BRINP3: variants seen among roughly 807,000 people sequenced by gnomAD.
BRINP3 encodes BMP/retinoic acid-inducible neural-specific protein 3.
A neutral mutation model predicts 71.0 loss-of-function variants in BRINP3; 19 were observed. The observed-to-expected ratio is 0.27, with a 90% confidence interval of 0.19 to 0.39. BRINP3 has a LOEUF of 0.39. Ranked by LOEUF, BRINP3 falls within the 10% of genes least tolerant of loss-of-function variation. The pLI, the probability that BRINP3 is intolerant of heterozygous loss-of-function variation, is 1.00. For missense variants in BRINP3, 959 were observed against 940.8 expected (o/e 1.02, Z -0.25); for synonymous variants, 380 against 337.7 (o/e 1.13, Z -1.37).
At chr1:190,442,221 G>GA (rs1268491315) in intron 2 of BRINP3, among the ~76,000 whole-genome samples, 1 of 152,130 alleles carries the variant, frequency 6.6e-6, no homozygotes, top group Non-Finnish European at 1.5e-5. Context: ...CATTTCGTGA[G>GA]AAAATACTTT....
intron 4 of BRINP3, among the ~76,000 whole-genome samples, chr1:190,249,489 A>AT: frequency 6.6e-6 from 1 of 152,032 alleles, no homozygotes; most frequent in African/African-American, 2.4e-5. Context: ...AAATTAATAG[A>AT]TTTTTCAAAT....
At chr1:190,390,707 CAA>C (rs1671197472) in intron 2 of BRINP3, among the ~76,000 whole-genome samples, 1 of 151,734 alleles carries the variant, frequency 6.6e-6, no homozygotes, top group African/African-American at 2.4e-5. Flanking sequence ...AAAACAATCA[CAA>C]TGGTGAAGGC....
chr1:190,449,807 A>G (rs1331800490), intron 2 of BRINP3, among the ~76,000 whole-genome samples: 1 of 152,074 alleles, frequency 6.6e-6, no homozygotes, highest in East Asian at 1.9e-4. Context: ...TCTGAACAAG[A>G]AAGTCCAGGG....
intron 7 of BRINP3, among the ~76,000 whole-genome samples, chr1:190,131,306 A>G (rs1654525116): frequency 6.6e-6 from 1 of 151,810 alleles, no homozygotes; most frequent in Admixed American, 6.6e-5. Flanking sequence ...CACTGGGTGG[A>G]TATTCATGAG....
chr1:190,342,170 A>C (rs1667701594), intron 2 of BRINP3, among the ~76,000 whole-genome samples: 2 of 151,594 alleles, frequency 1.3e-5, no homozygotes, highest in African/African-American at 2.4e-5. Flanking sequence ...TATAAGAATT[A>C]CTGTGATTAT....
Position 190,289,697 on chromosome 1 carries a change from C to T in BRINP3, c.237-7947G>A, listed in dbSNP as rs148779375. The stretch of plus-strand genomic sequence containing the variant: ...TCTAGCAAGCACTTGGTCTTACCAT[C>T]TTCTTTTGGGGATTTATATAATATA... On this transcript the variant is annotated intron_variant, in intron 2 of 7. Transcript: ENST00000367462. Among the ~76,000 whole-genome samples, 751 of 152,024 alleles carry T rather than the reference C, an allele frequency of 4.9e-3. 6 individuals carry two copies. Among genetic ancestry groups the T allele is most frequent in the African/African-American group, 0.017 (706 of 41,522 alleles).
chr1:190,138,101 T>C (rs1655125408), intron 7 of BRINP3, among the ~76,000 whole-genome samples: 1 of 152,034 alleles, frequency 6.6e-6, no homozygotes, highest in Non-Finnish European at 1.5e-5. Flanking sequence ...ATTACAGGCA[T>C]GTACCAGCAC....
At position 190,398,293 on chromosome 1, in the gene BRINP3, T is replaced by C. The variant is rs548067030; in HGVS notation, c.236+56362A>G. Reference sequence around the variant, plus strand: ...TATTTAAAAGGGGATAAACTCTAAGTTTTAAAACCTTCTCTGATAATCCAT... The same window carrying C: ...TATTTAAAAGGGGATAAACTCTAAGCTTTAAAACCTTCTCTGATAATCCAT... On this transcript the variant is annotated intron_variant, in intron 2 of 7. Transcript: ENST00000367462. Among the ~76,000 whole-genome samples, 7 of 152,006 alleles carry C rather than the reference T, an allele frequency of 4.6e-5. No homozygotes were observed. The East Asian group carries it at 1.4e-3, about 29-fold the overall frequency.
intron 7 of BRINP3, among the ~76,000 whole-genome samples, chr1:190,114,132 G>A (rs966610302): frequency 1.3e-5 from 2 of 152,084 alleles, no homozygotes; most frequent in Non-Finnish European, 2.9e-5. Flanking sequence ...GAGTTGTCAT[G>A]GAATCTGGCC....
intron 7 of BRINP3, among the ~76,000 whole-genome samples, chr1:190,115,183 A>G (rs1653027633): frequency 6.6e-6 from 1 of 152,198 alleles, no homozygotes; most frequent in Non-Finnish European, 1.5e-5. Flanking sequence ...TACTTAGAAA[A>G]TTTGTAAAAT....
intron 2 of BRINP3, among the ~76,000 whole-genome samples, chr1:190,413,884 C>T (rs1453430907): frequency 6.6e-6 from 1 of 151,918 alleles, no homozygotes; most frequent in Non-Finnish European, 1.5e-5. Flanking sequence ...TTCAAAAATA[C>T]TTATAAAACC....
At chr1:190,468,323 T>C (rs1235242734) in intron 1 of BRINP3, among the ~76,000 whole-genome samples, 1 of 151,322 alleles carries the variant, frequency 6.6e-6, no homozygotes, top group Admixed American at 6.6e-5. Context: ...TGCTGATTCT[T>C]ACTTGAAATC....
intron 7 of BRINP3, among the ~76,000 whole-genome samples, chr1:190,151,719 G>A (rs1656410140): frequency 6.6e-6 from 1 of 152,156 alleles, no homozygotes; most frequent in Non-Finnish European, 1.5e-5. Flanking sequence ...AGAAGGTAAT[G>A]AAGTAATTGT....
At chr1:190,426,986 T>C (rs1033363061) in intron 2 of BRINP3, among the ~76,000 whole-genome samples, 18 of 151,856 alleles carry the variant, frequency 1.2e-4, no homozygotes, top group Non-Finnish European at 4.4e-5. Flanking sequence ...TCCACAGATG[T>C]TGAAATTTTT....
intron 3 of BRINP3, among the ~76,000 whole-genome samples, chr1:190,270,599 T>C (rs1662024851): frequency 6.6e-6 from 1 of 151,802 alleles, no homozygotes. Context: ...CATATGAGTA[T>C]ATGGGTATTC....
chr1:190,288,700 T>G (rs1171627978), intron 2 of BRINP3, among the ~76,000 whole-genome samples: 1 of 151,954 alleles, frequency 6.6e-6, no homozygotes, highest in Non-Finnish European at 1.5e-5. Context: ...TGTAAATTTG[T>G]GAAGTGGGTT....
intron 7 of BRINP3, among the ~76,000 whole-genome samples, chr1:190,140,095 G>A (rs1214320139): frequency 6.6e-6 from 1 of 152,136 alleles, no homozygotes; most frequent in Non-Finnish European, 1.5e-5. Context: ...AACATCTATA[G>A]CAAATAGTGG....
At chr1:190,348,628 A>G (rs1242350063) in intron 2 of BRINP3, among the ~76,000 whole-genome samples, 2 of 152,166 alleles carry the variant, frequency 1.3e-5, no homozygotes, top group Admixed American at 6.6e-5. Context: ...TTCATGATCT[A>G]AATGACCCTG....
chr1:190,161,216 G>A (rs2102460776), intron 6 of BRINP3, among the ~76,000 whole-genome samples: 1 of 151,990 alleles, frequency 6.6e-6, no homozygotes, highest in South Asian at 2.1e-4. Flanking sequence ...ACGTCTTTCA[G>A]TAAACTTTCT....
Sources: allele counts gnomAD v4.1 joint callset (sites outside exome capture counted in the v4.1 genomes callset), GRCh38; gene constraint gnomAD v4.1.1; transcripts MANE v1.5; gene names NCBI Gene and HGNC (gene_info 2026-07-23, HGNC 2026-07-21).